The following STXBP5L variants were observed in gnomAD, a reference collection of about 807,000 sequenced individuals.
STXBP5L encodes the protein syntaxin binding protein 5L, also known as syntaxin-binding protein 5-like.
A neutral mutation model predicts 144.5 loss-of-function variants in STXBP5L; 65 were observed. The observed-to-expected ratio is 0.45, with a 90% CI of 0.37 to 0.55. The LOEUF (loss-of-function observed/expected upper bound fraction) is 0.55, where lower values mean the gene tolerates loss of function less well. Among genes scored for constraint, STXBP5L ranks in the 20% least tolerant of loss-of-function variants. STXBP5L has a pLI of 0.00. For missense variants in STXBP5L, 1,298 were observed against 1,405.5 expected (o/e 0.92, Z 1.22); for synonymous variants, 505 against 469.6 (o/e 1.08, Z -0.97).
chr3:121,349,951 C>T (rs1261516146), intron 20 of STXBP5L, among the ~76,000 whole-genome samples: 3 of 152,078 alleles, frequency 2.0e-5, no homozygotes, highest in Non-Finnish European at 4.4e-5. Flanking sequence ...GCATTTAGCC[C>T]ATTTACATTT....
intron 3 of STXBP5L, among the ~76,000 whole-genome samples, chr3:121,017,316 G>T (rs889834722): frequency 6.6e-6 from 1 of 152,102 alleles, no homozygotes. Context: ...CATCTACCAA[G>T]AACCTACAGC....
chr3:121,285,142 C>A (rs1338216668), intron 19 of STXBP5L, among the ~76,000 whole-genome samples: 1 of 151,930 alleles, frequency 6.6e-6, no homozygotes, highest in African/African-American at 2.4e-5. Context: ...TAATAGAACC[C>A]AGTTCCATTG....
At chr3:121,333,178 A>G (rs569161206) in intron 20 of STXBP5L, among the ~76,000 whole-genome samples, 6 of 152,168 alleles carry the variant, frequency 3.9e-5, no homozygotes, top group Non-Finnish European at 5.9e-5. Flanking sequence ...GCACATGGAG[A>G]AAATAAAGCA....
At chr3:120,956,212 T>C (rs1938019364) in intron 3 of STXBP5L, among the ~76,000 whole-genome samples, 1 of 151,956 alleles carries the variant, frequency 6.6e-6, no homozygotes, top group African/African-American at 2.4e-5. Flanking sequence ...ATTTTTTTAG[T>C]GTACCATTCA....
At chr3:121,020,384 A>G (rs1945459903) in intron 3 of STXBP5L, among the ~76,000 whole-genome samples, 1 of 152,228 alleles carries the variant, frequency 6.6e-6, no homozygotes, top group South Asian at 2.1e-4. Context: ...CTAGAGATCT[A>G]GACATCCAAA....
chr3:121,375,156 G>A (rs2046146435), intron 20 of STXBP5L, among the ~76,000 whole-genome samples: 2 of 152,032 alleles, frequency 1.3e-5, no homozygotes, highest in African/African-American at 4.8e-5. Flanking sequence ...AATTGCACTT[G>A]TACCCTTTAA....
In STXBP5L at chr3:121,338,373, G is replaced by A. The variant is rs551751842; in HGVS notation, c.2176+19833G>A. Among the ~76,000 whole-genome samples, 5 of 152,156 alleles carry A rather than the reference G, an allele frequency of 3.3e-5. No homozygotes were observed. The South Asian group carries it at 8.3e-4, about 25-fold the overall frequency. On this transcript the variant is annotated intron_variant, in intron 20 of 26. Transcript: ENST00000471454. ...AAATGAAAATGGATGGCCAGGTGCG[G>A]TGGTTCACGCCTGTAATCCCAGCAC...
At chr3:121,253,926 T>C (rs2050123997) in intron 15 of STXBP5L, among the ~76,000 whole-genome samples, 1 of 151,618 alleles carries the variant, frequency 6.6e-6, no homozygotes, top group African/African-American at 2.4e-5. Context: ...GTGCTGGGAT[T>C]ACAGGCGTGA....
chr3:120,981,077 C>G (rs1941723737), intron 3 of STXBP5L, among the ~76,000 whole-genome samples: 2 of 152,108 alleles, frequency 1.3e-5, no homozygotes, highest in South Asian at 2.1e-4. Flanking sequence ...AGTCCACTGT[C>G]AGTCTGATGG....
At chr3:121,382,669 A>C (rs922193227) in intron 22 of STXBP5L, among the ~76,000 whole-genome samples, 3 of 152,126 alleles carry the variant, frequency 2.0e-5, no homozygotes, top group African/African-American at 7.2e-5. Context: ...TAAAGCTGTA[A>C]GTGAAAGACA....
chr3:121,023,371 C>G (rs552851701), intron 3 of STXBP5L, among the ~76,000 whole-genome samples: 1 of 152,246 alleles, frequency 6.6e-6, no homozygotes, highest in South Asian at 2.1e-4. Flanking sequence ...CACCATCATT[C>G]TTCACAGAAC....
At chr3:121,249,525 T>C (rs757525704) in intron 14 of STXBP5L, among the ~76,000 whole-genome samples, 2 of 152,182 alleles carry the variant, frequency 1.3e-5, no homozygotes, top group Non-Finnish European at 2.9e-5. Flanking sequence ...ATGCAATTGA[T>C]TTTTGTATAT....
At chr3:121,196,097 A>G (rs2047908235) in intron 9 of STXBP5L, among the ~76,000 whole-genome samples, 2 of 147,688 alleles carry the variant, frequency 1.4e-5, no homozygotes, top group African/African-American at 2.5e-5. Flanking sequence ...TTTCTTTGGT[A>G]TTTTCATAGG....
chr3:121,343,271 A>C (rs2044802774), intron 20 of STXBP5L, among the ~76,000 whole-genome samples: 2 of 151,836 alleles, frequency 1.3e-5, no homozygotes, highest in South Asian at 4.2e-4. Flanking sequence ...AGGTTGCGAA[A>C]ATTTTCTCCC....
At chr3:120,932,382 A>G (rs1219565160) in intron 2 of STXBP5L, among the ~76,000 whole-genome samples, 1 of 152,152 alleles carries the variant, frequency 6.6e-6, no homozygotes, top group Admixed American at 6.5e-5. Context: ...CCTCCATATA[A>G]TAGTCTAGCA....
intron 3 of STXBP5L, among the ~76,000 whole-genome samples, chr3:121,016,419 A>T (rs1945150853): frequency 6.6e-6 from 1 of 152,240 alleles, no homozygotes; most frequent in Non-Finnish European, 1.5e-5. Context: ...AAACTCTAAG[A>T]TTCAAAAGGA....
intron 7 of STXBP5L, among the ~76,000 whole-genome samples, chr3:121,124,841 T>C (rs2044631152): frequency 6.6e-6 from 1 of 152,134 alleles, no homozygotes; most frequent in Non-Finnish European, 1.5e-5. Flanking sequence ...GTTTCCAACT[T>C]CAAAGGAAAT....
chr3:120,958,899 G>A (rs1198427259), intron 3 of STXBP5L, among the ~76,000 whole-genome samples: 2 of 152,144 alleles, frequency 1.3e-5, no homozygotes, highest in Non-Finnish European at 2.9e-5. Context: ...TGGAAGTTCT[G>A]GCCAGGGCAA....
At chr3:121,351,653 G>T (rs576201742) in intron 20 of STXBP5L, among the ~76,000 whole-genome samples, 1 of 152,236 alleles carries the variant, frequency 6.6e-6, no homozygotes, top group African/African-American at 2.4e-5. Flanking sequence ...TGTTCACTCT[G>T]ATGGTAGTTT....
Sources: gnomAD v4.1 joint callset for allele counts (sites outside exome capture counted in the v4.1 genomes callset) on GRCh38, gnomAD v4.1.1 for gene constraint, MANE v1.5 for transcripts, NCBI Gene and HGNC (gene_info 2026-07-23, HGNC 2026-07-21) for gene names.